Variants in SYNJ1 observed in about 807,000 individuals in gnomAD.
SYNJ1 encodes synaptojanin 1, also known as polyphosphatidylinositol phosphatase SYNJ1.
Under a neutral mutation model 168.2 loss-of-function variants are expected in SYNJ1, and 78 were observed. The ratio of observed to expected loss-of-function variants is 0.46; its 90% CI spans 0.39 to 0.56. The LOEUF is 0.56. Among genes scored for constraint, SYNJ1 ranks in the 20% least tolerant of loss-of-function variants. The pLI, the probability that SYNJ1 is intolerant of heterozygous loss-of-function variation, is 0.00. For synonymous variants in SYNJ1, 539 were observed against 548.6 expected (o/e 0.98, Z 0.24); for missense variants, 1,303 against 1,597.6 (o/e 0.82, Z 3.14).
chr21:32,665,841 C>G (rs1342078946), intron 17 of SYNJ1, 102 bp downstream of exon 17: 5 of 1,183,364 alleles, frequency 4.2e-6, no homozygotes, highest in Admixed American at 5.8e-5. Context: ...CTTAATGTTT[C>G]TAGGAACTAT....
At chr21:32,723,698 G>T (rs2043335504) in intron 2 of SYNJ1, among the ~76,000 whole-genome samples, 1 of 152,180 alleles carries the variant, frequency 6.6e-6, no homozygotes, top group South Asian at 2.1e-4. Flanking sequence ...GTGTGCGCCT[G>T]TAGTCCCAGC....
At chr21:32,726,471 C>A (rs2146429857) in intron 2 of SYNJ1, among the ~76,000 whole-genome samples, 1 of 152,236 alleles carries the variant, frequency 6.6e-6, no homozygotes, top group South Asian at 2.1e-4. Context: ...TTATGTGATA[C>A]ATGATACAAA....
At chr21:32,644,225 A>T (rs1329732593) in intron 26 of SYNJ1, among the ~76,000 whole-genome samples, 2 of 152,240 alleles carry the variant, frequency 1.3e-5, no homozygotes, top group Admixed American at 6.5e-5. Flanking sequence ...TGGAGAAATG[A>T]TCACTTAGCT....
intron 11 of SYNJ1, among the ~76,000 whole-genome samples, chr21:32,680,519 C>T (rs1450067893): frequency 6.6e-6 from 1 of 152,052 alleles, no homozygotes; most frequent in African/African-American, 2.4e-5. Flanking sequence ...TTCCAAACTC[C>T]CTCAATAAGG....
chr21:32,666,984 C>A (rs1045758589), intron 15 of SYNJ1, among the ~76,000 whole-genome samples: 3 of 152,092 alleles, frequency 2.0e-5, no homozygotes, highest in South Asian at 4.2e-4. Context: ...TGCATATAAC[C>A]CATGTAAATC....
In SYNJ1 at chr21:32,656,793, A is replaced by G. The variant is rs771702947; in HGVS notation, c.2689T>C (p.Leu897=). The G allele has an allele frequency of 6.2e-7, 1 of 1,614,176 alleles. No individual in the cohort carries two copies. The highest frequency in any genetic ancestry group is 2.2e-5 in the East Asian group (1 of 44,860). ...AVQGPPDGTV[L]VSIKSSLPEN... Reference sequence around the variant, plus strand: ...GGTAAAGAACTTTTGATTGAGACCAATACTGTACCATCTGGTGGACCCTGA... The same window carrying G: ...GGTAAAGAACTTTTGATTGAGACCAGTACTGTACCATCTGGTGGACCCTGA... The change falls in exon 21 of 33, where the codon TTG becomes CTG. Residue 897 remains leucine, a synonymous_variant. Coordinates refer to ENST00000674351, the MANE Select transcript of SYNJ1 (RefSeq NM_203446.3).
chr21:32,714,165 C>G (rs561520702), intron 2 of SYNJ1, among the ~76,000 whole-genome samples: 1 of 152,004 alleles, frequency 6.6e-6, no homozygotes, highest in Non-Finnish European at 1.5e-5. Flanking sequence ...AAGACCCTGA[C>G]GCCAGAAAGA....
At chr21:32,643,609 A>G (rs1043361535) in intron 26 of SYNJ1, 152 bp from the exon 27 acceptor site, 1 of 767,504 alleles carries the variant, frequency 1.3e-6, no homozygotes, top group Non-Finnish European at 2.1e-6. Flanking sequence ...AATACAAACC[A>G]AAGTGACTTT....
intron 1 of SYNJ1, among the ~76,000 whole-genome samples, chr21:32,727,329 A>T (rs1386172555): frequency 6.6e-6 from 1 of 152,128 alleles, no homozygotes; most frequent in Non-Finnish European, 1.5e-5. Flanking sequence ...AGGTGAAAGG[A>T]GCGGAGGTGG....
Position 32,635,171 on chromosome 21 carries a change from T to C in SYNJ1, c.3916-287A>G, listed in dbSNP as rs79042461. Among the ~76,000 whole-genome samples, 507 of 152,334 alleles carry C rather than the reference T, an allele frequency of 3.3e-3. 4 individuals carry two copies. Among genetic ancestry groups the C allele is most frequent in the African/African-American group, 0.012 (485 of 41,576 alleles). ...CAAATGATTTCAGAGTTCTAAAATA[T>C]TTTAAGCAACCTGTTATGGACTGAA... On this transcript the variant is annotated intron_variant, in intron 31 of 32. Transcript: ENST00000674351.
chr21:32,649,129 C>T (rs2040180133), intron 23 of SYNJ1, among the ~76,000 whole-genome samples: 1 of 152,228 alleles, frequency 6.6e-6, no homozygotes, highest in African/African-American at 2.4e-5. Flanking sequence ...TTCATTATCA[C>T]ATTTATGTCA....
intron 7 of SYNJ1, 39 bp downstream of exon 7, chr21:32,688,267 A>G (rs975148058): frequency 6.3e-6 from 10 of 1,590,724 alleles, no homozygotes; most frequent in Non-Finnish European, 7.7e-6. Flanking sequence ...ACTGCTTAGC[A>G]ATATCAAAAC....
Position 32,665,870 on chromosome 21 carries a change from T to C in SYNJ1, c.2145+73A>G, listed in dbSNP as rs150444695. On this transcript the variant is annotated intron_variant, in intron 17 of 32. Coordinates refer to ENST00000674351, the MANE Select transcript of SYNJ1 (RefSeq NM_203446.3). ...GAACTATCTTAAATTTCCAAAAACA[T>C]TGATGTAGAATTTGGGGCAAATTAA... 3.2e-4 allele frequency: 446 copies of C among 1,401,422 alleles called. 2 individuals carry two copies. The highest frequency in any genetic ancestry group is 2.4e-3 in the South Asian group (162 of 67,534). 86.8% of individuals were successfully genotyped at this position (1,401,422 alleles called of 1,614,324 possible). A position where few individuals can be genotyped will look rare whatever the true frequency, so the allele number is the denominator to read the frequency against.
intron 12 of SYNJ1, among the ~76,000 whole-genome samples, chr21:32,676,651 C>A (rs752095838): frequency 6.6e-6 from 1 of 152,066 alleles, no homozygotes; most frequent in Non-Finnish European, 1.5e-5. Flanking sequence ...TGCATGCATG[C>A]GCACATGTTT....
At chr21:32,652,915 T>C (rs754221239) in intron 22 of SYNJ1, among the ~76,000 whole-genome samples, 1 of 152,218 alleles carries the variant, frequency 6.6e-6, no homozygotes, top group Non-Finnish European at 1.5e-5. Flanking sequence ...AGCACCTCTC[T>C]CCCTTGTTTT....
intron 31 of SYNJ1, among the ~76,000 whole-genome samples, chr21:32,635,545 G>A (rs904891950): frequency 6.6e-6 from 1 of 152,120 alleles, no homozygotes; most frequent in Admixed American, 6.5e-5. Context: ...TTTCTGTTGT[G>A]TAAGCCACCC....
intron 2 of SYNJ1, among the ~76,000 whole-genome samples, chr21:32,724,295 C>G (rs945086944): frequency 2.6e-4 from 39 of 152,166 alleles, no homozygotes; most frequent in Non-Finnish European, 5.3e-4. Context: ...CAAGACCAGC[C>G]TGGCCAACAT....
chr21:32,651,351 C>A (rs568823879), intron 22 of SYNJ1, among the ~76,000 whole-genome samples: 1 of 152,298 alleles, frequency 6.6e-6, no homozygotes, highest in South Asian at 2.1e-4. Flanking sequence ...CAAAGTGTTA[C>A]TGATATTAGA....
chr21:32,645,003 G>C lies in SYNJ1; in HGVS notation c.3395C>G (p.Ala1132Gly), dbSNP rs2039999000. The stretch of plus-strand genomic sequence containing the variant: ...CTTTCTAGTGGGTGCAGGACTCCTA[G>C]CCCCTTATAGTTCATAAGAAAATAG... Reference protein sequence around the residue: ...PPQRPPPPSGARSPAPTRKEF... With the variant: ...PPQRPPPPSGGRSPAPTRKEF... Residue 1132 changes from alanine (A) to glycine (G), a missense_variant, in exon 26 of 33, where the codon GCT becomes GGT. Ala to Gly is a moderately conservative substitution (Grantham distance 60). This residue lies in a region of SYNJ1 where 383 missense variants were observed against 388.8 expected (regional missense o/e 0.99). Coordinates refer to ENST00000674351, the MANE Select transcript of SYNJ1 (RefSeq NM_203446.3). 1.2e-6 allele frequency: 2 copies of C among 1,601,680 alleles called. No homozygotes were observed. The highest frequency in any genetic ancestry group is 1.7e-6 in the Non-Finnish European group (2 of 1,176,124).
Sources: allele counts gnomAD v4.1 joint callset (sites outside exome capture counted in the v4.1 genomes callset), GRCh38; gene constraint gnomAD v4.1.1; regional missense constraint gnomAD v4.1.1; transcripts MANE v1.5; gene names NCBI Gene and HGNC (gene_info 2026-07-23, HGNC 2026-07-21).